The following CNTNAP4 variants were observed in gnomAD, a reference collection of about 807,000 sequenced individuals.
CNTNAP4 encodes the protein contactin-associated protein-like 4.
In CNTNAP4, 98 loss-of-function variants were observed where a neutral mutation model predicts 148.4. The ratio of observed to expected loss-of-function variants is 0.66; its 90% CI spans 0.56 to 0.78. CNTNAP4 has a LOEUF of 0.78. Ranked by LOEUF, CNTNAP4 falls within the 30% of genes least tolerant of loss-of-function variation. The pLI, the probability that CNTNAP4 is intolerant of heterozygous loss-of-function variation, is 0.00. For synonymous variants in CNTNAP4, 730 were observed against 565.1 expected (o/e 1.29, Z -4.14); for missense variants, 1,935 against 1,565.6 (o/e 1.24, Z -3.98).
At position 76,505,577 on chromosome 16, in the gene CNTNAP4, A is replaced by C. The variant is rs1490433493; in HGVS notation, c.2365+6883A>C. On this transcript the variant is annotated intron_variant, in intron 15 of 23. Coordinates refer to ENST00000611870, the MANE Select transcript of CNTNAP4 (RefSeq NM_033401.5). The stretch of plus-strand genomic sequence containing the variant: ...TTTTTATGGTTTCAGGTCCTTTTCA[A>C]CTTCTAGAGCTACACACAAAAACAG... 8.2e-5 allele frequency among the ~76,000 whole-genome samples: 8 copies of C among 97,400 alleles called. 1 individual carries two copies. Among genetic ancestry groups the C allele is most frequent in the African/African-American group, 2.1e-4 (8 of 38,900 alleles). 63.9% of individuals were successfully genotyped at this position (97,400 alleles called of 152,430 possible). A position where few individuals can be genotyped will look rare whatever the true frequency, so the allele number is the denominator to read the frequency against.
chr16:76,490,744 C>A (rs1158387153), intron 13 of CNTNAP4, among the ~76,000 whole-genome samples: 2 of 152,180 alleles, frequency 1.3e-5, no homozygotes, highest in East Asian at 3.9e-4. Flanking sequence ...GCCTCTTCTG[C>A]TGGATCCTGG....
intron 23 of CNTNAP4, 151 bp from the exon 24 acceptor site, chr16:76,558,339 C>T (rs2085280995): frequency 5.5e-6 from 3 of 544,502 alleles, no homozygotes; most frequent in Non-Finnish European, 6.5e-6. Context: ...ACTGCTTGAG[C>T]CAGAAATACC....
chr16:76,456,020 A>C (rs1215324110), intron 8 of CNTNAP4, among the ~76,000 whole-genome samples: 1 of 152,206 alleles, frequency 6.6e-6, no homozygotes, highest in Non-Finnish European at 1.5e-5. Flanking sequence ...AGAAAGGGAA[A>C]GAGAGAGAGA....
intron 9 of CNTNAP4, among the ~76,000 whole-genome samples, chr16:76,465,018 G>T (rs1045890108): frequency 2.0e-5 from 3 of 152,182 alleles, no homozygotes; most frequent in African/African-American, 7.2e-5. Context: ...GATACTGTGT[G>T]CAAAATTCTC....
intron 1 of CNTNAP4, among the ~76,000 whole-genome samples, chr16:76,297,964 T>A (rs1959489229): frequency 6.6e-6 from 1 of 152,184 alleles, no homozygotes; most frequent in African/African-American, 2.4e-5. Context: ...TTTTTTCTTA[T>A]CACCCGTAAT....
At chr16:76,362,747 T>C (rs1017819548) in intron 3 of CNTNAP4, among the ~76,000 whole-genome samples, 1 of 151,984 alleles carries the variant, frequency 6.6e-6, no homozygotes, top group Non-Finnish European at 1.5e-5. Context: ...CAGAACCTAA[T>C]TGAGGGTGGA....
intron 15 of CNTNAP4, among the ~76,000 whole-genome samples, chr16:76,510,772 A>G (rs2082990470): frequency 6.6e-6 from 1 of 152,152 alleles, no homozygotes; most frequent in Non-Finnish European, 1.5e-5. Flanking sequence ...TTCAGACTTG[A>G]AAGTGTCTGC....
chr16:76,549,643 A>AC (rs1281732721), intron 21 of CNTNAP4, among the ~76,000 whole-genome samples: 5 of 151,262 alleles, frequency 3.3e-5, no homozygotes, highest in South Asian at 4.2e-4. Context: ...AGCAAAAAAA[A>AC]GACCTTGAGG....
At chr16:76,479,312 A>G in intron 11 of CNTNAP4, 107 bp from the exon 12 acceptor site, 1 of 929,652 alleles carries the variant, frequency 1.1e-6, no homozygotes, top group Middle Eastern at 2.5e-4. Context: ...TCTCCTGGTC[A>G]GTAATGTACA....
At chr16:76,298,524 GTGTGTGA>G (rs1959573155) in intron 1 of CNTNAP4, among the ~76,000 whole-genome samples, 1 of 135,628 alleles carries the variant, frequency 7.4e-6, no homozygotes, top group East Asian at 3.1e-4. Flanking sequence ...GTGTGTGTGT[GTGTGTGA>G]GGTAAGGGGC....
chr16:76,372,142 T>C (rs959951957), intron 3 of CNTNAP4, among the ~76,000 whole-genome samples: 10 of 149,460 alleles, frequency 6.7e-5, no homozygotes, highest in Non-Finnish European at 1.5e-4. Context: ...GCCCAAATTT[T>C]TTTTTTTTTT....
chr16:76,358,492 CA>C (rs2012994479), intron 3 of CNTNAP4, among the ~76,000 whole-genome samples: 1 of 152,070 alleles, frequency 6.6e-6, no homozygotes, highest in Non-Finnish European at 1.5e-5. Context: ...CTGAATTTGT[CA>C]AAGTAGTAAG....
chr16:76,474,232 A>G (rs190125967), intron 10 of CNTNAP4, among the ~76,000 whole-genome samples: 238 of 152,312 alleles, frequency 1.6e-3, no homozygotes, highest in African/African-American at 5.2e-3. Context: ...TAATGCTTAC[A>G]TTTCAAAGGG....
At chr16:76,283,853 A>G (rs956219364) in intron 1 of CNTNAP4, among the ~76,000 whole-genome samples, 1 of 152,010 alleles carries the variant, frequency 6.6e-6, no homozygotes, top group African/African-American at 2.4e-5. Flanking sequence ...ACTATCCTTT[A>G]AAAAATATTT....
At chr16:76,402,427 C>T (rs2078451506) in intron 3 of CNTNAP4, among the ~76,000 whole-genome samples, 1 of 151,392 alleles carries the variant, frequency 6.6e-6, no homozygotes, top group African/African-American at 2.4e-5. Context: ...TTATTTGGAT[C>T]TTCTCTTTTT....
At chr16:76,492,924 C>G (rs576996110) in intron 13 of CNTNAP4, among the ~76,000 whole-genome samples, 15 of 147,948 alleles carry the variant, frequency 1.0e-4, no homozygotes, top group African/African-American at 3.7e-4. Context: ...GAATCCCCAC[C>G]TTTAAGGCCA....
intron 2 of CNTNAP4, among the ~76,000 whole-genome samples, chr16:76,320,821 G>A (rs565201278): frequency 1.7e-4 from 26 of 152,222 alleles, no homozygotes; most frequent in African/African-American, 4.8e-4. Context: ...GACAACCTTG[G>A]AAATGAGTGA....
rs72794967 is a variant in CNTNAP4 at position 76,389,414 on chromosome 16, G to A, written c.390+33903G>A. 7.9e-3 allele frequency among the ~76,000 whole-genome samples: 1,196 copies of A among 152,224 alleles called. 5 individuals are homozygous for A. Among genetic ancestry groups the A allele is most frequent in the Non-Finnish European group, 0.013 (863 of 68,004 alleles). On this transcript the variant is annotated intron_variant, in intron 3 of 23. Coordinates refer to ENST00000611870, the MANE Select transcript of CNTNAP4 (RefSeq NM_033401.5). ...GCTTGTGGCTCTTCTTCCACTCAGCGCTTTGACAGTGCTGTTTAGTTTTTT... is the reference window on the plus strand; with the variant it reads ...GCTTGTGGCTCTTCTTCCACTCAGCACTTTGACAGTGCTGTTTAGTTTTTT...
intron 15 of CNTNAP4, among the ~76,000 whole-genome samples, chr16:76,518,251 C>T (rs958376300): frequency 2.0e-5 from 3 of 152,070 alleles, no homozygotes; most frequent in Admixed American, 6.5e-5. Context: ...CCTCAGCCTC[C>T]TAAGTAGTGG....
Sources: gnomAD v4.1 joint callset for allele counts (sites outside exome capture counted in the v4.1 genomes callset) on GRCh38, gnomAD v4.1.1 for gene constraint, MANE v1.5 for transcripts, NCBI Gene and HGNC (gene_info 2026-07-23, HGNC 2026-07-21) for gene names.